NIPA1: variants seen among roughly 807,000 people sequenced by gnomAD.
NIPA1 encodes magnesium transporter NIPA1.
A neutral mutation model predicts 23.9 loss-of-function variants in NIPA1; 13 were observed. The observed-to-expected ratio is 0.54, with a 90% CI of 0.35 to 0.87. NIPA1 has a LOEUF of 0.87. Among genes scored for constraint, NIPA1 ranks in the 40% least tolerant of loss-of-function variants. The pLI is 0.01. For synonymous variants in NIPA1, 234 were observed against 202.9 expected, an observed-to-expected ratio of 1.15 and a Z score of -1.30; for missense variants, 362 against 429.7, an observed-to-expected ratio of 0.84 and a Z score of 1.39.
chr15:22,790,111 C>T (rs1894797262), intron 1 of NIPA1, among the ~76,000 whole-genome samples: 1 of 151,806 alleles, frequency 6.6e-6, no homozygotes, highest in Non-Finnish European at 1.5e-5. Flanking sequence ...TATTTAAAAG[C>T]TTTAGAACAG....
At chr15:22,801,727 G>A (rs1367546859) in intron 1 of NIPA1, among the ~76,000 whole-genome samples, 2 of 151,984 alleles carry the variant, frequency 1.3e-5, no homozygotes, top group Non-Finnish European at 2.9e-5. Context: ...ATATTGGCCA[G>A]GCTGGTCTCG....
intron 1 of NIPA1, among the ~76,000 whole-genome samples, chr15:22,799,584 C>T (rs1023802843): frequency 6.6e-6 from 1 of 151,984 alleles, no homozygotes; most frequent in Non-Finnish European, 1.5e-5. Flanking sequence ...AGATCGAGAC[C>T]ATCCTGGCTA....
intron 1 of NIPA1, among the ~76,000 whole-genome samples, chr15:22,797,058 T>TA (rs1894953322): frequency 6.6e-6 from 1 of 151,522 alleles, no homozygotes; most frequent in African/African-American, 2.4e-5. Flanking sequence ...TTTTTTTTTT[T>TA]AGATAAAGTC....
intron 1 of NIPA1, among the ~76,000 whole-genome samples, chr15:22,788,426 G>T (rs1406896283): frequency 1.3e-5 from 2 of 148,226 alleles, no homozygotes; most frequent in East Asian, 2.0e-4. Context: ...TCTTGAACCC[G>T]GGAGACAGAG....
rs1895609278 is a variant in NIPA1 at position 22,824,449 on chromosome 15, T to G, written c.*210T>G. 3 of 587,468 alleles carry G rather than the reference T, an allele frequency of 5.1e-6. No homozygotes were observed. Among genetic ancestry groups the G allele is most frequent in the Non-Finnish European group, 9.2e-6 (3 of 327,594 alleles). The allele number at this position is 587,468 out of a possible 1,614,324, so 36.4% of individuals were successfully genotyped here. On this transcript the variant is annotated 3_prime_UTR_variant, in exon 5 of 5. Transcript: ENST00000337435. The surrounding 1 kb of genome is among the most constrained non-coding windows in gnomAD (Gnocchi z 4.1). ...AGCCCAAACGTCCCCAACGGTTGCC[T>G]GGCACCATCTCTCTCTGATGAGACG...
Position 22,829,776 on chromosome 15 carries a change from T to G in NIPA1, c.*5537T>G, listed in dbSNP as rs1895717990. ...GTATGTGTTTTAAAATAAAATAACTTATTTCTAGCTGAACATTTGTTGATT... is the reference window on the plus strand; with the variant it reads ...GTATGTGTTTTAAAATAAAATAACTGATTTCTAGCTGAACATTTGTTGATT... On this transcript the variant is annotated 3_prime_UTR_variant, in exon 5 of 5. Coordinates refer to ENST00000337435, the MANE Select transcript of NIPA1 (RefSeq NM_144599.5). 1 of 152,210 alleles carries G rather than the reference T, an allele frequency of 6.6e-6. No homozygotes were observed. The highest frequency in any genetic ancestry group is 1.5e-5 in the Non-Finnish European group (1 of 68,024). 9.4% of individuals were successfully genotyped at this position (152,210 alleles called of 1,614,324 possible).
intron 1 of NIPA1, among the ~76,000 whole-genome samples, chr15:22,789,920 G>C (rs1038012498): frequency 6.6e-6 from 1 of 152,084 alleles, no homozygotes; most frequent in African/African-American, 2.4e-5. Flanking sequence ...TTAGGCTCCT[G>C]AGTAGCTGGG....
rs11428709 is a variant in NIPA1, at chr15:22,791,475, C to CTTTTTTTTTTTTTTTTTTTTTTTT, written c.178+4642_178+4665dup. ...ATTTGAGGCATGGCTTCCTCTTTCA[C>CTTTTTTTTTTTTTTTTTTTTTTTT]TTTTTTTTTTTTTTTTTTTTTTTTG... On this transcript the variant is annotated intron_variant, in intron 1 of 4. Transcript: ENST00000337435. 1.1e-4 allele frequency among the ~76,000 whole-genome samples: 2 copies of CTTTTTTTTTTTTTTTTTTTTTTTT among 18,072 alleles called. 1 individual carries two copies. 11.9% of individuals were successfully genotyped at this position (18,072 alleles called of 152,430 possible). A position where few individuals can be genotyped will look rare whatever the true frequency, so the allele number is the denominator to read the frequency against.
chr15:22,814,859 T>C (rs1895386281), intron 3 of NIPA1, among the ~76,000 whole-genome samples: 2 of 152,196 alleles, frequency 1.3e-5, no homozygotes, highest in Non-Finnish European at 2.9e-5. Flanking sequence ...ATCATACACT[T>C]TCTCTGTATC....
rs1368210353 is a variant in NIPA1 at position 22,828,843 on chromosome 15, G to A, written c.*4604G>A. ...CAGTTTTTCTACCTCTAAAGGGGTG[G>A]GATGGTTCTTCAAATTGTTTCTAAA... On this transcript the variant is annotated 3_prime_UTR_variant, in exon 5 of 5. Transcript: ENST00000337435. The A allele has an allele frequency of 6.6e-6, 1 of 152,576 alleles. No individual in the cohort carries two copies. Among genetic ancestry groups the A allele is most frequent in the East Asian group, 1.9e-4 (1 of 5,196 alleles). The allele number at this position is 152,576 out of a possible 1,614,324, so 9.5% of individuals were successfully genotyped here.
chr15:22,803,912 C>T (rs1039220976), intron 1 of NIPA1, among the ~76,000 whole-genome samples: 1 of 151,678 alleles, frequency 6.6e-6, no homozygotes, highest in Non-Finnish European at 1.5e-5. Flanking sequence ...AGCTCCTGAC[C>T]TTGTGATCTG....
At position 22,824,543 on chromosome 15, in the gene NIPA1, A is replaced by C; in HGVS notation, c.*304A>C. 1 of 373,976 alleles carries C rather than the reference A, an allele frequency of 2.7e-6. No individual in the cohort carries two copies. Among genetic ancestry groups the C allele is most frequent in the Non-Finnish European group, 5.0e-6 (1 of 200,328 alleles). 23.2% of individuals were successfully genotyped at this position (373,976 alleles called of 1,614,324 possible). A position where few individuals can be genotyped will look rare whatever the true frequency, so the allele number is the denominator to read the frequency against. ...TTCTCTTCTTTTAAAACATTTTAAC[A>C]TTATTTAAACAGAAAAAGATGGGCT... On this transcript the variant is annotated 3_prime_UTR_variant, in exon 5 of 5. Transcript: ENST00000337435. This position sits in a 1 kb window ranked among gnomAD's most constrained non-coding sequence, Gnocchi z 4.1.
chr15:22,817,527 G>A (rs1374633334), intron 3 of NIPA1, among the ~76,000 whole-genome samples: 3 of 151,428 alleles, frequency 2.0e-5, no homozygotes, highest in Non-Finnish European at 4.4e-5. Flanking sequence ...TTACGGCTGG[G>A]CACAGTGGCT....
Position 22,825,031 on chromosome 15 carries a change from A to T in NIPA1, c.*792A>T, listed in dbSNP as rs1182731571. The T allele has an allele frequency of 6.6e-6, 1 of 152,612 alleles. No individual in the cohort carries two copies. The highest frequency in any genetic ancestry group is 1.5e-5 in the Non-Finnish European group (1 of 68,046). The allele number at this position is 152,612 out of a possible 1,614,324, so 9.5% of individuals were successfully genotyped here. ...ACAAATGTATAAGGCAGTTAGAAAT[A>T]ATACAGTCACATGTCACTTAATGAT... On this transcript the variant is annotated 3_prime_UTR_variant, in exon 5 of 5. Coordinates refer to ENST00000337435, the MANE Select transcript of NIPA1 (RefSeq NM_144599.5).
chr15:22,815,726 G>A (rs1470362845), intron 3 of NIPA1, among the ~76,000 whole-genome samples: 4 of 149,872 alleles, frequency 2.7e-5, no homozygotes, highest in African/African-American at 4.9e-5. Flanking sequence ...ATACTAACCA[G>A]TTGGATCCAG....
At chr15:22,793,357 CAAA>C (rs1163603849) in intron 1 of NIPA1, among the ~76,000 whole-genome samples, 5 of 73,098 alleles carry the variant, frequency 6.8e-5, no homozygotes, top group Non-Finnish European at 5.0e-5. Flanking sequence ...GACTGTGTCT[CAAA>C]AAAAAAAAAA....
intron 1 of NIPA1, among the ~76,000 whole-genome samples, chr15:22,791,960 A>G (rs768795858): frequency 6.6e-6 from 1 of 151,968 alleles, no homozygotes; most frequent in East Asian, 1.9e-4. Context: ...CTTCTTTGCC[A>G]TGCTTTTGGA....
rs1463530576 is a variant in NIPA1 at position 22,801,521 on chromosome 15, T to C, written c.179-9228T>C. Reference sequence around the variant, plus strand: ...ACTTCTAGCGACTTTTTTTTTTTTTTTTTTTTTTTTGAGAGACAGAGTCTT... The same window carrying C: ...ACTTCTAGCGACTTTTTTTTTTTTTCTTTTTTTTTTGAGAGACAGAGTCTT... On this transcript the variant is annotated intron_variant, in intron 1 of 4. Coordinates refer to ENST00000337435, the MANE Select transcript of NIPA1 (RefSeq NM_144599.5). 2.1e-5 allele frequency among the ~76,000 whole-genome samples: 3 copies of C among 145,826 alleles called. No individual in the cohort carries two copies. In the East Asian group the frequency reaches 6.0e-4, roughly 29 times the overall value.
intron 3 of NIPA1, among the ~76,000 whole-genome samples, chr15:22,817,808 G>GA (rs56218881): frequency 1.5e-3 from 208 of 143,072 alleles, no homozygotes; most frequent in Middle Eastern, 3.4e-3. Context: ...GTGTCTCAAA[G>GA]AAAAAAAAAA....
Sources: allele counts gnomAD v4.1 joint callset (sites outside exome capture counted in the v4.1 genomes callset), GRCh38; gene constraint gnomAD v4.1.1; non-coding constraint Gnocchi (gnomAD v3.1); transcripts MANE v1.5; gene names NCBI Gene and HGNC (gene_info 2026-07-23, HGNC 2026-07-21).